AFDN: variants seen among roughly 807,000 people sequenced by gnomAD.
AFDN encodes afadin.
Under a neutral mutation model 216.6 loss-of-function variants are expected in AFDN, and 68 were observed. The ratio of observed to expected loss-of-function variants is 0.31; its 90% confidence interval spans 0.26 to 0.38. The LOEUF is 0.38. Ranked by LOEUF, AFDN falls within the 10% of genes least tolerant of loss-of-function variation. The pLI is 1.00. For synonymous variants in AFDN, 868 were observed against 853.7 expected (o/e 1.02, Z -0.29); for missense variants, 2,136 against 2,342.0 (o/e 0.91, Z 1.82).
rs200158463 is a variant in AFDN at position 167,926,236 on chromosome 6, G to A, written c.3099+1145G>A. 2.8e-4 allele frequency among the ~76,000 whole-genome samples: 43 copies of A among 152,300 alleles called. No homozygotes were observed. In the East Asian group the frequency reaches 4.4e-3, roughly 16 times the overall value. ...TTTTCTTCCTCAGCTGCTCTAATTT[G>A]TGAAGGGTCCGTTTGAAATGAGGGT... On this transcript the variant is annotated intron_variant, in intron 23 of 33. Transcript: ENST00000683244.
intron 1 of AFDN, among the ~76,000 whole-genome samples, chr6:167,859,781 G>GT (rs375813172): frequency 0.088 from 9,612 of 109,468 alleles, 383 homozygotes; most frequent in Middle Eastern, 0.13. Flanking sequence ...TGTTATTGTT[G>GT]TTTTTTTTTT....
intron 6 of AFDN, among the ~76,000 whole-genome samples, chr6:167,887,720 A>G (rs920447291): frequency 1.3e-5 from 2 of 152,098 alleles, no homozygotes; most frequent in African/African-American, 4.8e-5. Context: ...GGCCTCCCAA[A>G]GTGCTAGGAT....
intron 27 of AFDN, among the ~76,000 whole-genome samples, chr6:167,947,310 G>T (rs1421072513): frequency 6.6e-6 from 1 of 151,980 alleles, no homozygotes; most frequent in Non-Finnish European, 1.5e-5. Flanking sequence ...TTCCCGAGTG[G>T]CTGGGACTAT....
intron 5 of AFDN, among the ~76,000 whole-genome samples, chr6:167,879,781 A>G (rs1029951621): frequency 4.6e-5 from 7 of 152,242 alleles, no homozygotes; most frequent in African/African-American, 7.2e-5. Flanking sequence ...CCTGGAAGTA[A>G]AAATAGAACT....
intron 5 of AFDN, among the ~76,000 whole-genome samples, chr6:167,876,180 C>T (rs1006988730): frequency 2.6e-5 from 4 of 152,160 alleles, no homozygotes; most frequent in African/African-American, 9.7e-5. Flanking sequence ...AGACAGCCAC[C>T]GTCTGGGGGG....
chr6:167,859,300 G>A (rs1056903199), intron 1 of AFDN, among the ~76,000 whole-genome samples: 7 of 152,130 alleles, frequency 4.6e-5, no homozygotes, highest in South Asian at 4.1e-4. Context: ...GGCTATTGCC[G>A]CCAGGTTGTT....
intron 1 of AFDN, among the ~76,000 whole-genome samples, chr6:167,840,716 T>G (rs1001028320): frequency 6.6e-6 from 1 of 152,208 alleles, no homozygotes; most frequent in Non-Finnish European, 1.5e-5. Flanking sequence ...ACTAGTTGGT[T>G]TGGGGCTGAG....
intron 8 of AFDN, 21 bp downstream of exon 8, chr6:167,891,050 A>T (rs753899838): frequency 2.7e-5 from 42 of 1,553,958 alleles, no homozygotes; most frequent in Admixed American, 1.5e-4. Flanking sequence ...TGGTCACACC[A>T]GCACACATTA....
chr6:167,946,585 T>TA (rs1301918581), intron 26 of AFDN, 122 bp from the exon 27 acceptor site: 1 of 778,158 alleles, frequency 1.3e-6, no homozygotes, highest in African/African-American at 1.8e-5. Flanking sequence ...TATGATTCTG[T>TA]AGGAAGAATT....
intron 31 of AFDN, chr6:167,964,500 C>T: frequency 9.4e-7 from 1 of 1,065,804 alleles, no homozygotes; most frequent in African/African-American, 1.6e-5. Context: ...GATTTCTAAA[C>T]ACAGAGCAAG....
At position 167,923,620 on chromosome 6, in the gene AFDN, C is replaced by CTTT. The variant is rs35743665; in HGVS notation, c.3012+681_3012+683dup. On this transcript the variant is annotated intron_variant, in intron 22 of 33. Coordinates refer to ENST00000683244, the MANE Select transcript of AFDN (RefSeq NM_001386888.1). Reference sequence around the variant, plus strand: ...CTGACAAAGTGAACATACCCTAATACTTTTTTTTTTTTTTTTTTTTTTGAG... The same window carrying CTTT: ...CTGACAAAGTGAACATACCCTAATACTTTTTTTTTTTTTTTTTTTTTTTTTGAG... 5.5e-3 allele frequency among the ~76,000 whole-genome samples: 621 copies of CTTT among 111,910 alleles called. 19 individuals carry two copies. The highest frequency in any genetic ancestry group is 0.048 in the South Asian group (147 of 3,060). 73.4% of individuals were successfully genotyped at this position (111,910 alleles called of 152,430 possible). A position where few individuals can be genotyped will look rare whatever the true frequency, so the allele number is the denominator to read the frequency against.
chr6:167,957,497 C>A (rs368460631), intron 30 of AFDN, among the ~76,000 whole-genome samples: 22 of 152,102 alleles, frequency 1.4e-4, no homozygotes, highest in Non-Finnish European at 3.1e-4. Flanking sequence ...AGGTTGTTTC[C>A]TATTTTAATG....
chr6:167,957,561 T>C (rs368365288), intron 30 of AFDN, among the ~76,000 whole-genome samples: 9 of 152,264 alleles, frequency 5.9e-5, no homozygotes, highest in African/African-American at 1.9e-4. Context: ...GCTGGAGGGA[T>C]CTCCTTCAGC....
At chr6:167,847,995 C>T (rs577358483) in intron 1 of AFDN, among the ~76,000 whole-genome samples, 1 of 152,194 alleles carries the variant, frequency 6.6e-6, no homozygotes, top group Admixed American at 6.5e-5. Context: ...AGGATTCTGC[C>T]TGGGATCTTA....
chr6:167,866,395 TGGGTTACA>T (rs1172628280), intron 2 of AFDN, among the ~76,000 whole-genome samples: 3 of 152,226 alleles, frequency 2.0e-5, no homozygotes, highest in Admixed American at 2.0e-4. Context: ...CAGTCTTTTC[TGGGTTACA>T]GAAACCTTAG....
In AFDN at chr6:167,943,142, A is replaced by G; in HGVS notation, c.3113A>G (p.Asp1038Gly). Residue 1038 changes from aspartate (D) to glycine (G), a missense_variant, in exon 24 of 34, where the codon GAT (aspartate) becomes GGT (glycine). Physicochemically the swap from Asp to Gly is moderately conservative, Grantham distance 94. Around this residue, in one of 8 missense-constraint regions of AFDN, gnomAD observed 74 missense variants for 98.8 expected, o/e 0.75. Coordinates refer to ENST00000683244, the MANE Select transcript of AFDN (RefSeq NM_001386888.1). Reference protein sequence around the residue: ...SIVAAKGAGQDKLGIYVKSVV... With the variant: ...SIVAAKGAGQGKLGIYVKSVV... ...TTTTTGCAATAGGGTGCTGGTCAAG[A>G]TAAACTAGGAATCTATGTGAAGTCG... 6.2e-7 allele frequency: 1 copy of G among 1,614,004 alleles called. No individual in the cohort carries two copies. Among genetic ancestry groups the G allele is most frequent in the Non-Finnish European group, 8.5e-7 (1 of 1,179,934 alleles).
intron 7 of AFDN, among the ~76,000 whole-genome samples, chr6:167,890,139 T>C (rs888593114): frequency 6.6e-6 from 1 of 152,238 alleles, no homozygotes; most frequent in Admixed American, 6.5e-5. Flanking sequence ...CATAAAAATG[T>C]ATTGCCATTT....
At position 167,971,264 on chromosome 6, in the gene AFDN, C is replaced by G. The variant is rs1231195529; in HGVS notation, c.*1329C>G. 1 of 219,508 alleles carries G rather than the reference C, an allele frequency of 4.6e-6. No homozygotes were observed. The highest frequency in any genetic ancestry group is 6.8e-5 in the East Asian group (1 of 14,810). The allele number at this position is 219,508 out of a possible 1,614,324, so 13.6% of individuals were successfully genotyped here. Reference sequence around the variant, plus strand: ...CTTTCAAAGAGAATGTTCTCTTACACATACGTATGTTAGGAAAATAGACAC... The same window carrying G: ...CTTTCAAAGAGAATGTTCTCTTACAGATACGTATGTTAGGAAAATAGACAC... On this transcript the variant is annotated 3_prime_UTR_variant, in exon 34 of 34. Coordinates refer to ENST00000683244, the MANE Select transcript of AFDN (RefSeq NM_001386888.1).
intron 8 of AFDN, chr6:167,893,594 C>A: frequency 2.5e-6 from 1 of 406,128 alleles, no homozygotes; most frequent in Non-Finnish European, 4.6e-6. Flanking sequence ...CTCACTGTTG[C>A]TGTCCTGCTG....
Sources: gnomAD v4.1 joint callset for allele counts (sites outside exome capture counted in the v4.1 genomes callset) on GRCh38, gnomAD v4.1.1 for gene constraint, gnomAD v4.1.1 regional missense constraint, MANE v1.5 for transcripts, NCBI Gene and HGNC (gene_info 2026-07-23, HGNC 2026-07-21) for gene names.